PSMD4: variants seen among roughly 807,000 people sequenced by gnomAD.
The protein encoded by PSMD4 is 26S proteasome non-ATPase regulatory subunit 4.
Under a neutral mutation model 39.7 loss-of-function variants are expected in PSMD4, and 5 were observed. The observed-to-expected ratio is 0.13, with a 90% CI of 0.07 to 0.26. The LOEUF (loss-of-function observed/expected upper bound fraction) is 0.26. Among genes scored for constraint, PSMD4 ranks in the 10% least tolerant of loss-of-function variants. PSMD4 has a pLI of 1.00. For missense variants in PSMD4, 272 were observed against 486.1 expected, an observed-to-expected ratio of 0.56 and a Z score of 4.14; for synonymous variants, 143 against 174.6, an observed-to-expected ratio of 0.82 and a Z score of 1.43.
At chr1:151,264,053 C>G (rs1465307864) in intron 3 of PSMD4, 25 bp downstream of exon 3, 1 of 1,485,958 alleles carries the variant, frequency 6.7e-7, no homozygotes, top group South Asian at 1.2e-5. Flanking sequence ...GTTCCCTGGA[C>G]CTTTCCTCCC....
At chr1:151,266,967 C>A in intron 9 of PSMD4, 1 of 727,524 alleles carries the variant, frequency 1.4e-6, no homozygotes, top group African/African-American at 1.7e-5. Flanking sequence ...TCTCAGCAGG[C>A]CCCTCTATTT....
chr1:151,257,683 G>A (rs1363948592), intron 1 of PSMD4, among the ~76,000 whole-genome samples: 3 of 147,510 alleles, frequency 2.0e-5, no homozygotes, highest in Non-Finnish European at 4.5e-5. Context: ...GAGTAGCTGG[G>A]ATTCCAGGCA....
At chr1:151,254,928 G>A in intron 1 of PSMD4, 120 bp downstream of exon 1, 16 of 1,250,606 alleles carry the variant, frequency 1.3e-5, no homozygotes, top group Non-Finnish European at 1.6e-5. Context: ...CCCTGGCCCC[G>A]GAGGTAAGGA....
Position 151,261,163 on chromosome 1 carries a change from A to AT in PSMD4, c.27-988dup, listed in dbSNP as rs933650681. ...TCACTGTGCCCAGCCTATTTTATAGATTTTTTTTTTCTTTTTCTTTTTTTT... is the reference window on the plus strand; with the variant it reads ...TCACTGTGCCCAGCCTATTTTATAGATTTTTTTTTTTCTTTTTCTTTTTTTT... On this transcript the variant is annotated intron_variant, in intron 1 of 9. Transcript: ENST00000368884. 1.8e-4 allele frequency among the ~76,000 whole-genome samples: 23 copies of AT among 125,436 alleles called. No individual in the cohort carries two copies. In the East Asian group the frequency reaches 2.4e-3, roughly 13 times the overall value. The allele number at this position is 125,436 out of a possible 152,430, so 82.3% of individuals were successfully genotyped here.
chr1:151,256,987 G>T lies in PSMD4; in HGVS notation c.26+2179G>T, dbSNP rs587679801. Among the ~76,000 whole-genome samples the T allele has an allele frequency of 2.2e-4, 33 of 151,936 alleles. No homozygotes were observed. The East Asian group carries it at 4.8e-3, about 22-fold the overall frequency. ...TGGTCTCGAACTCCCACCCTCAGGT[G>T]ATCCGCCCGCCTCAGCCTCCCAAAG... On this transcript the variant is annotated intron_variant, in intron 1 of 9. Coordinates refer to ENST00000368884, the MANE Select transcript of PSMD4 (RefSeq NM_002810.4).
At chr1:151,266,783 C>T (rs587662141) in intron 9 of PSMD4, 196 bp downstream of exon 9, 1 of 808,188 alleles carries the variant, frequency 1.2e-6, no homozygotes, top group East Asian at 2.7e-5. Flanking sequence ...TCCTCTTGTT[C>T]TGTAATTTTC....
intron 3 of PSMD4, 21 bp downstream of exon 3, chr1:151,264,049 T>A (rs2101839721): frequency 6.6e-7 from 1 of 1,516,956 alleles, no homozygotes; most frequent in East Asian, 2.4e-5. Context: ...CTGGGTTCCC[T>A]GGACCTTTCC....
At chr1:151,256,009 A>T (rs1210706256) in intron 1 of PSMD4, among the ~76,000 whole-genome samples, 2 of 151,794 alleles carry the variant, frequency 1.3e-5, no homozygotes. Flanking sequence ...AGTGATATTG[A>T]GGTTTTTTTA....
intron 8 of PSMD4, 36 bp downstream of exon 8, chr1:151,266,475 T>C: frequency 6.2e-7 from 1 of 1,614,102 alleles, no homozygotes; most frequent in Non-Finnish European, 8.5e-7. Context: ...AGGCAGAGGT[T>C]GGGGTGAGGA....
Position 151,267,267 on chromosome 1 carries a change from G to A in PSMD4, c.1058G>A (p.Arg353Gln). 3 of 1,613,728 alleles carry A rather than the reference G, an allele frequency of 1.9e-6. No homozygotes were observed. The highest frequency in any genetic ancestry group is 2.5e-6 in the Non-Finnish European group (3 of 1,179,834). Reference sequence around the variant, plus strand: ...GTGGATCCCAACAATGAAGCCATTCGAAATGCTATGGGCTCCCTGGCCTCC... The same window carrying A: ...GTGGATCCCAACAATGAAGCCATTCAAAATGCTATGGGCTCCCTGGCCTCC... The part of the protein sequence containing the change: ...PGVDPNNEAI[R>Q]NAMGSLASQA... Residue 353 changes from arginine (R) to glutamine (Q), a missense_variant, in exon 10 of 10, where the codon CGA becomes CAA. Physicochemically the swap from Arg to Gln is conservative, Grantham distance 43. Transcript: ENST00000368884.
chr1:151,258,012 G>C (rs1421824773), intron 1 of PSMD4, among the ~76,000 whole-genome samples: 1 of 151,642 alleles, frequency 6.6e-6, no homozygotes, highest in African/African-American at 2.4e-5. Flanking sequence ...TGTATTCCTA[G>C]GTTTGTTTGT....
intron 1 of PSMD4, among the ~76,000 whole-genome samples, chr1:151,255,203 C>G (rs932259751): frequency 4.6e-5 from 7 of 152,236 alleles, no homozygotes; most frequent in African/African-American, 1.7e-4. Flanking sequence ...TCTCCCCATT[C>G]CCTCGTCTCT....
Position 151,262,424 on chromosome 1 carries a change from T to C in PSMD4, c.167+123T>C, listed in dbSNP as rs372496846. On this transcript the variant is annotated intron_variant, in intron 2 of 9. Coordinates refer to ENST00000368884, the MANE Select transcript of PSMD4 (RefSeq NM_002810.4). ...CTAGACTGCCTTCTGCACTATTTAG[T>C]GTAAATGTCAATAGCAACTTGTTTT... is the stretch of plus-strand genomic sequence containing the variant. The C allele has an allele frequency of 3.3e-6, 4 of 1,220,318 alleles. No homozygotes were observed. In the African/African-American group the frequency reaches 4.5e-5, roughly 14 times the overall value. 75.6% of individuals were successfully genotyped at this position (1,220,318 alleles called of 1,614,324 possible).
At chr1:151,266,671 T>C in intron 9 of PSMD4, 84 bp downstream of exon 9, 2 of 1,478,382 alleles carry the variant, frequency 1.4e-6, no homozygotes, top group Admixed American at 1.9e-5. Flanking sequence ...ATTTCTACCA[T>C]AGCTAAGTCC....
intron 9 of PSMD4, 183 bp downstream of exon 9, chr1:151,266,770 A>G: frequency 1.2e-6 from 1 of 833,834 alleles, no homozygotes; most frequent in Non-Finnish European, 2.0e-6. Flanking sequence ...AGTTGGAGAA[A>G]TGTCCTCTTG....
At chr1:151,255,531 A>T (rs773077600) in intron 1 of PSMD4, among the ~76,000 whole-genome samples, 1 of 152,210 alleles carries the variant, frequency 6.6e-6, no homozygotes. Flanking sequence ...GAAGAGGAGG[A>T]CATAAATTTT....
intron 6 of PSMD4, 52 bp from the exon 7 acceptor site, chr1:151,265,952 C>A (rs1286531026): frequency 2.0e-6 from 3 of 1,516,582 alleles, no homozygotes; most frequent in Non-Finnish European, 2.6e-6. Context: ...TTTCCCAGCT[C>A]CCTGTAGGAG....
Position 151,266,325 on chromosome 1 carries a change from C to G in PSMD4, c.781C>G (p.Leu261Val). The G allele has an allele frequency of 6.2e-7, 1 of 1,614,230 alleles. No homozygotes were observed. Among genetic ancestry groups the G allele is most frequent in the Non-Finnish European group, 8.5e-7 (1 of 1,180,044 alleles). ...TGTEDSDDALLKMTISQQEFG... is the reference protein window; with the variant it reads ...TGTEDSDDALVKMTISQQEFG... ...TTTCCCAGACTCAGACGATGCCCTG[C>G]TGAAGATGACCATCAGCCAGCAAGA... Residue 261 changes from leucine (L) to valine (V), a missense_variant, in exon 8 of 10, where the codon CTG (leucine) becomes GTG (valine). Leu to Val is a conservative substitution (Grantham distance 32). Transcript: ENST00000368884.
At chr1:151,258,185 G>A (rs1167120716) in intron 1 of PSMD4, among the ~76,000 whole-genome samples, 2 of 151,432 alleles carry the variant, frequency 1.3e-5, no homozygotes, top group Non-Finnish European at 2.9e-5. Flanking sequence ...CACCATGCCC[G>A]GGTAATTTTT....
Sources: gnomAD v4.1 joint callset for allele counts (sites outside exome capture counted in the v4.1 genomes callset) on GRCh38, gnomAD v4.1.1 for gene constraint, MANE v1.5 for transcripts, NCBI Gene and HGNC (gene_info 2026-07-23, HGNC 2026-07-21) for gene names.